R3HCC1L: variants seen among roughly 807,000 people sequenced by gnomAD.
The protein encoded by R3HCC1L is R3H domain and coiled-coil containing 1 like.
A neutral mutation model predicts 59.9 loss-of-function variants in R3HCC1L; 51 were observed. The ratio of observed to expected loss-of-function variants is 0.85; its 90% CI spans 0.68 to 1.07. R3HCC1L has a LOEUF of 1.07. Among genes scored for constraint, R3HCC1L ranks in the 50% least tolerant of loss-of-function variants. The pLI is 0.00. For missense variants in R3HCC1L, 965 were observed against 933.0 expected (o/e 1.03, Z -0.45); for synonymous variants, 322 against 315.2 (o/e 1.02, Z -0.23).
intron 5 of R3HCC1L, 53 bp downstream of exon 5, chr10:98,209,952 C>T: frequency 7.0e-7 from 1 of 1,430,978 alleles, no homozygotes; most frequent in Non-Finnish European, 9.5e-7. Flanking sequence ...ATTAGGATTT[C>T]AGTGGTAATT....
intron 4 of R3HCC1L, among the ~76,000 whole-genome samples, chr10:98,204,727 A>T (rs538026500): frequency 1.3e-5 from 2 of 152,234 alleles, no homozygotes; most frequent in East Asian, 3.9e-4. Flanking sequence ...TTTATATATT[A>T]TATATAACAA....
intron 6 of R3HCC1L, among the ~76,000 whole-genome samples, chr10:98,233,679 C>T (rs924986785): frequency 6.6e-6 from 1 of 152,160 alleles, no homozygotes; most frequent in Non-Finnish European, 1.5e-5. Context: ...ATGTCATCAT[C>T]CTGACATTCC....
Position 98,173,197 on chromosome 10 carries a change from T to G in R3HCC1L, c.-15+9800T>G, listed in dbSNP as rs1310326403. ...GCAAGAAAATGGATGATCCCTAAAA[T>G]GGACAGTTAGGCTCTGAATAATTGG... On this transcript the variant is annotated intron_variant, in intron 4 of 9. Coordinates refer to ENST00000298999, the MANE Select transcript of R3HCC1L (RefSeq NM_001351015.2). Among the ~76,000 whole-genome samples, 5 of 152,162 alleles carry G rather than the reference T, an allele frequency of 3.3e-5. No homozygotes were observed. In the East Asian group the frequency reaches 9.6e-4, roughly 29 times the overall value.
chr10:98,201,104 AT>A (rs1239492206), intron 4 of R3HCC1L, among the ~76,000 whole-genome samples: 1 of 152,084 alleles, frequency 6.6e-6, no homozygotes. Context: ...AATGTTCCAT[AT>A]TTTTCCATTG....
At chr10:98,231,901 T>C (rs113748253) in intron 6 of R3HCC1L, among the ~76,000 whole-genome samples, 2,036 of 152,308 alleles carry the variant, frequency 0.013, 54 homozygotes, top group African/African-American at 0.046. Flanking sequence ...TAGCCCCCAT[T>C]TTAGCATTTA....
At chr10:98,195,294 G>C (rs1279993802) in intron 4 of R3HCC1L, among the ~76,000 whole-genome samples, 1 of 152,116 alleles carries the variant, frequency 6.6e-6, no homozygotes, top group Non-Finnish European at 1.5e-5. Context: ...AACTAGAATG[G>C]TGGTTGCCAA....
chr10:98,209,995 T>TAAA, intron 5 of R3HCC1L, 96 bp downstream of exon 5: 1 of 954,018 alleles, frequency 1.0e-6, no homozygotes, highest in Non-Finnish European at 1.6e-6. Flanking sequence ...CACTGATATT[T>TAAA]AAGAGTTCCT....
chr10:98,200,938 A>T (rs1851968772), intron 4 of R3HCC1L, among the ~76,000 whole-genome samples: 1 of 152,198 alleles, frequency 6.6e-6, no homozygotes, highest in African/African-American at 2.4e-5. Context: ...ATAAATCTTT[A>T]ACTTACATAG....
chr10:98,144,300 C>T lies in R3HCC1L; in HGVS notation c.-268+9594C>T, dbSNP rs138301911. Reference sequence around the variant, plus strand: ...ATGTGATCTCAGCTCACTGCAACCTCCGCCTCCCAGGTTCAAGCAATTCTC... The same window carrying T: ...ATGTGATCTCAGCTCACTGCAACCTTCGCCTCCCAGGTTCAAGCAATTCTC... On this transcript the variant is annotated intron_variant, in intron 1 of 9. Transcript: ENST00000298999. Among the ~76,000 whole-genome samples, 1,365 of 152,226 alleles carry T rather than the reference C, an allele frequency of 9.0e-3. 11 individuals are homozygous for T. Among genetic ancestry groups the T allele is most frequent in the Non-Finnish European group, 0.015 (1,014 of 68,008 alleles).
At chr10:98,162,698 CTG>C (rs138588838) in intron 2 of R3HCC1L, among the ~76,000 whole-genome samples, 183 bp from the exon 3 acceptor site, 4 of 150,324 alleles carry the variant, frequency 2.7e-5, no homozygotes, top group South Asian at 2.1e-4. Context: ...GTGTGTGTCT[CTG>C]TGTGTGTGTG....
chr10:98,242,623 T>C (rs1202135150), intron 9 of R3HCC1L, among the ~76,000 whole-genome samples: 2 of 152,354 alleles, frequency 1.3e-5, no homozygotes, highest in East Asian at 1.9e-4. Flanking sequence ...GGGCCTGTTA[T>C]ATTTTTCTAC....
intron 5 of R3HCC1L, among the ~76,000 whole-genome samples, chr10:98,216,767 G>A (rs576759125): frequency 1.0e-3 from 157 of 152,094 alleles, no homozygotes; most frequent in Admixed American, 2.1e-3. Flanking sequence ...TTTTGTAGAG[G>A]AGGACTCTTG....
rs1458566675 is a variant in R3HCC1L at position 98,224,729 on chromosome 10, T to TTC, written c.1786-6783_1786-6782insTC. 2.0e-5 allele frequency among the ~76,000 whole-genome samples: 3 copies of TTC among 152,358 alleles called. No individual in the cohort carries two copies. In the East Asian group the frequency reaches 5.8e-4, roughly 29 times the overall value. ...TTGTAAACTTTCCCTTGGTCTATAA[T>TTC]AGATAGATCAGAATGAATGAAATTC... On this transcript the variant is annotated intron_variant, in intron 5 of 9. Coordinates refer to ENST00000298999, the MANE Select transcript of R3HCC1L (RefSeq NM_001351015.2).
intron 4 of R3HCC1L, among the ~76,000 whole-genome samples, chr10:98,173,711 C>A (rs1266779079): frequency 6.6e-6 from 1 of 152,014 alleles, no homozygotes; most frequent in Non-Finnish European, 1.5e-5. Context: ...TCCCCCTACT[C>A]TTTTTTCCCC....
chr10:98,229,458 T>G (rs996972242), intron 5 of R3HCC1L, among the ~76,000 whole-genome samples: 2 of 152,242 alleles, frequency 1.3e-5, no homozygotes, highest in East Asian at 3.8e-4. Context: ...TGAAGTTGCC[T>G]GTCAACTTAA....
chr10:98,152,206 C>G (rs367650760), intron 1 of R3HCC1L, among the ~76,000 whole-genome samples: 1 of 152,156 alleles, frequency 6.6e-6, no homozygotes, highest in Non-Finnish European at 1.5e-5. Flanking sequence ...CCGCCAGCCT[C>G]GGCCTCCCGA....
intron 5 of R3HCC1L, among the ~76,000 whole-genome samples, chr10:98,229,011 G>T (rs1290363790): frequency 6.6e-6 from 1 of 152,082 alleles, no homozygotes; most frequent in Non-Finnish European, 1.5e-5. Context: ...TTGAAGTCAG[G>T]TAGTGTGATG....
chr10:98,231,276 T>G (rs1856353807), intron 5 of R3HCC1L, among the ~76,000 whole-genome samples: 2 of 152,226 alleles, frequency 1.3e-5, no homozygotes, highest in South Asian at 2.1e-4. Flanking sequence ...TTTCATGCAT[T>G]GCCTGTCTGC....
chr10:98,170,346 T>G (rs370893276), intron 4 of R3HCC1L, among the ~76,000 whole-genome samples: 1 of 152,126 alleles, frequency 6.6e-6, no homozygotes, highest in East Asian at 1.9e-4. Flanking sequence ...GACTGGGTCT[T>G]GCTCTGTCAC....
Sources: allele counts gnomAD v4.1 joint callset (sites outside exome capture counted in the v4.1 genomes callset), GRCh38; gene constraint gnomAD v4.1.1; transcripts MANE v1.5; gene names NCBI Gene and HGNC (gene_info 2026-07-23, HGNC 2026-07-21).